The following GATA4 variants were observed in gnomAD, a reference collection of about 807,000 sequenced individuals.
GATA4 encodes the protein transcription factor GATA-4.
A neutral mutation model predicts 37.9 loss-of-function variants in GATA4; 7 were observed. The observed-to-expected ratio is 0.18, with a 90% CI of 0.11 to 0.35. GATA4 has a LOEUF of 0.35. Ranked by LOEUF, GATA4 falls within the 10% of genes least tolerant of loss-of-function variation. The pLI is 1.00. For missense variants in GATA4, 647 were observed against 653.0 expected, an observed-to-expected ratio of 0.99 and a Z score of 0.10; for synonymous variants, 372 against 292.6, an observed-to-expected ratio of 1.27 and a Z score of -2.77.
chr8:11,749,799 C>A lies in GATA4; in HGVS notation c.787-312C>A, dbSNP rs1802205111. Among the ~76,000 whole-genome samples, 2 of 152,346 alleles carry A rather than the reference C, an allele frequency of 1.3e-5. No individual in the cohort carries two copies. Among genetic ancestry groups the A allele is most frequent in the South Asian group, 4.1e-4 (2 of 4,826 alleles). On this transcript the variant is annotated intron_variant, in intron 3 of 6. Coordinates refer to ENST00000532059, the MANE Select transcript of GATA4 (RefSeq NM_001308093.3). The surrounding 1 kb of genome is among the most constrained non-coding windows in gnomAD (Gnocchi z 4.6). ...CGGTCAGTTCTCCTCTCAGGAGAAG[C>A]TTTCCTGCCGGCAGTGCCCGGCGCT...
intron 2 of GATA4, among the ~76,000 whole-genome samples, chr8:11,721,255 G>A (rs1473436692): frequency 6.6e-6 from 1 of 151,060 alleles, no homozygotes; most frequent in Non-Finnish European, 1.5e-5. Flanking sequence ...TAAAGGATGA[G>A]TAGGCGTTTG....
chr8:11,713,872 G>A (rs973347709), intron 2 of GATA4, among the ~76,000 whole-genome samples: 3 of 152,164 alleles, frequency 2.0e-5, no homozygotes, highest in African/African-American at 7.2e-5. Context: ...CCTGTGAAAC[G>A]GACGTAGCCG....
At chr8:11,680,566 G>A (rs945429992) in intron 1 of GATA4, 4 of 985,364 alleles carry the variant, frequency 4.1e-6, no homozygotes, top group Non-Finnish European at 4.8e-6. Flanking sequence ...ACGCTGGTGG[G>A]CCAGGAAGCC....
chr8:11,759,899 C>A lies in GATA4; in HGVS notation c.*1424C>A, dbSNP rs1218813691. ...TTTACATTGTTTTCTTCCAAAGGCC[C>A]CCTCGTATACCCTCCCTAACCCACA... is the stretch of plus-strand genomic sequence containing the variant. On this transcript the variant is annotated 3_prime_UTR_variant, in exon 7 of 7. Coordinates refer to ENST00000532059, the MANE Select transcript of GATA4 (RefSeq NM_001308093.3). 6.6e-6 allele frequency: 1 copy of A among 152,624 alleles called. No individual in the cohort carries two copies. The highest frequency in any genetic ancestry group is 1.9e-4 in the East Asian group (1 of 5,202). 9.5% of individuals were successfully genotyped at this position (152,624 alleles called of 1,614,324 possible).
intron 1 of GATA4, chr8:11,680,782 T>G: frequency 1.0e-6 from 1 of 985,234 alleles, no homozygotes; most frequent in Non-Finnish European, 1.2e-6. Context: ...TGCGAGGTGC[T>G]CACCCGCCCC....
chr8:11,690,505 G>A (rs1288315482), upstream of GATA4, among the ~76,000 whole-genome samples: 1 of 152,174 alleles, frequency 6.6e-6, no homozygotes, highest in African/African-American at 2.4e-5. Context: ...GATAAAGGCT[G>A]TAGAAACAGA....
chr8:11,741,696 TC>T lies in GATA4; in HGVS notation c.617-7219del, dbSNP rs1801748368. On this transcript the variant is annotated intron_variant, in intron 2 of 6. Coordinates refer to ENST00000532059, the MANE Select transcript of GATA4 (RefSeq NM_001308093.3). ...GGAGGGGTTCTCGAAGGTCTCAAAA[TC>T]TAATCTTGACAATGATGAAGGCCAG... 2.0e-5 allele frequency among the ~76,000 whole-genome samples: 3 copies of T among 152,156 alleles called. No individual in the cohort carries two copies. The South Asian group carries it at 6.2e-4, about 32-fold the overall frequency.
chr8:11,736,523 C>A (rs1801465294), intron 2 of GATA4, among the ~76,000 whole-genome samples: 1 of 152,216 alleles, frequency 6.6e-6, no homozygotes, highest in African/African-American at 2.4e-5. Context: ...CAGGAGAGCC[C>A]TGAGCAGCGC....
In GATA4 at chr8:11,708,380, C is replaced by A; in HGVS notation, c.68C>A (p.Pro23His). The A allele has an allele frequency of 6.4e-7, 1 of 1,554,616 alleles. No homozygotes were observed. Among genetic ancestry groups the A allele is most frequent in the Non-Finnish European group, 8.6e-7 (1 of 1,157,616 alleles). ...CCCGGTGCCTACGAGGCGGGCGGCC[C>A]CGGCGCCTTCATGCACGGCGCGGGC... ...PPPGAYEAGG[P>H]GAFMHGAGAA... The change falls in exon 2 of 7, where the codon CCC (proline) becomes CAC (histidine). Residue 23 changes from proline to histidine, a missense_variant. Pro to His is a moderately conservative substitution (Grantham distance 77). Around this residue, in one of 5 missense-constraint regions of GATA4, gnomAD observed 379 missense variants for 334.5 expected, o/e 1.13. Transcript: ENST00000532059. This position sits in a 1 kb window ranked among gnomAD's most constrained non-coding sequence, Gnocchi z 6.7.
rs1799973871 is a variant in GATA4, at chr8:11,708,062, C to T, written c.-251C>T. ...GGGGTGAATTCAGCTGCTCCTACAT[C>T]AGCTTCCGGAACCACCAAAAATTCA... On this transcript the variant is annotated 5_prime_UTR_variant, in exon 2 of 7. Coordinates refer to ENST00000532059, the MANE Select transcript of GATA4 (RefSeq NM_001308093.3). The surrounding 1 kb of genome is among the most constrained non-coding windows in gnomAD (Gnocchi z 6.7). 3 of 573,432 alleles carry T rather than the reference C, an allele frequency of 5.2e-6. No homozygotes were observed. The African/African-American group carries it at 5.6e-5, about 11-fold the overall frequency. The allele number at this position is 573,432 out of a possible 1,614,324, so 35.5% of individuals were successfully genotyped here. A position where few individuals can be genotyped will look rare whatever the true frequency, so the allele number is the denominator to read the frequency against.
upstream of GATA4, among the ~76,000 whole-genome samples, chr8:11,702,143 C>A (rs1352001750): frequency 6.6e-6 from 1 of 152,198 alleles, no homozygotes; most frequent in African/African-American, 2.4e-5. This position sits in a 1 kb window ranked among gnomAD's most constrained non-coding sequence, Gnocchi z 4.4. Context: ...CCATCCCGCA[C>A]TACTAGGAGA....
chr8:11,679,534 C>T (rs953378988), intron 1 of GATA4, among the ~76,000 whole-genome samples: 26 of 152,230 alleles, frequency 1.7e-4, no homozygotes, highest in African/African-American at 6.3e-4. Flanking sequence ...TGAAAAGGAA[C>T]CCCGACTGCT....
upstream of GATA4, among the ~76,000 whole-genome samples, chr8:11,702,928 C>A (rs1226941292): frequency 6.6e-6 from 1 of 152,234 alleles, no homozygotes; most frequent in African/African-American, 2.4e-5. This position sits in a 1 kb window ranked among gnomAD's most constrained non-coding sequence, Gnocchi z 4.4. Context: ...CTGAGAATCC[C>A]CAGGAGTTGG....
chr8:11,742,418 A>G (rs1203752904), intron 2 of GATA4, among the ~76,000 whole-genome samples: 2 of 138,032 alleles, frequency 1.4e-5, no homozygotes, highest in Non-Finnish European at 3.1e-5. Context: ...CCCTTTCACA[A>G]TGTCCTTGCC....
At chr8:11,710,167 C>T (rs1800109989) in intron 2 of GATA4, among the ~76,000 whole-genome samples, 1 of 152,146 alleles carries the variant, frequency 6.6e-6, no homozygotes, top group Non-Finnish European at 1.5e-5. Context: ...CCCGGGGGTG[C>T]AGCCAAATAC....
rs1476745160 is a variant in GATA4, at chr8:11,759,587, A to C, written c.*1112A>C. On this transcript the variant is annotated 3_prime_UTR_variant, in exon 7 of 7. Transcript: ENST00000532059. ...CAACACGAATTCGAAGCAAACAAACACAACACAACAGAATTCCTGGAAAGA... is the reference window on the plus strand; with the variant it reads ...CAACACGAATTCGAAGCAAACAAACCCAACACAACAGAATTCCTGGAAAGA... 1 of 152,286 alleles carries C rather than the reference A, an allele frequency of 6.6e-6. No individual in the cohort carries two copies. Among genetic ancestry groups the C allele is most frequent in the Non-Finnish European group, 1.5e-5 (1 of 68,056 alleles). The allele number at this position is 152,286 out of a possible 1,614,324, so 9.4% of individuals were successfully genotyped here.
At chr8:11,706,676 G>A (rs1316811744) in intron 1 of GATA4, among the ~76,000 whole-genome samples, 8 of 152,124 alleles carry the variant, frequency 5.3e-5, no homozygotes, top group Admixed American at 2.6e-4. Flanking sequence ...AAACTTTGTC[G>A]GGAGTAGTTG....
chr8:11,737,339 T>A (rs1199088629), intron 2 of GATA4, among the ~76,000 whole-genome samples: 1 of 152,220 alleles, frequency 6.6e-6, no homozygotes, highest in Non-Finnish European at 1.5e-5. Context: ...GGGAAGTTGT[T>A]TCCTCCTGAC....
chr8:11,722,516 C>A (rs1169451110), intron 2 of GATA4, among the ~76,000 whole-genome samples: 1 of 152,218 alleles, frequency 6.6e-6, no homozygotes, highest in Non-Finnish European at 1.5e-5. Context: ...TAAATGAGGT[C>A]TAAGCATTGC....
Sources: allele counts gnomAD v4.1 joint callset (sites outside exome capture counted in the v4.1 genomes callset), GRCh38; gene constraint gnomAD v4.1.1; regional missense constraint gnomAD v4.1.1; non-coding constraint Gnocchi (gnomAD v3.1); transcripts MANE v1.5; gene names NCBI Gene and HGNC (gene_info 2026-07-23, HGNC 2026-07-21).